Variants in SPAG16 observed in about 807,000 individuals in gnomAD.
SPAG16 encodes the protein sperm-associated antigen 16 protein.
SPAG16 carries 86 observed loss-of-function variants against 80.4 expected under a neutral mutation model. That is an observed-to-expected ratio of 1.07 (90% confidence interval 0.90 to 1.28). The LOEUF (loss-of-function observed/expected upper bound fraction) is 1.28. Ranked by LOEUF, SPAG16 falls within the 50% of genes most tolerant of loss-of-function variation. The probability of loss-of-function intolerance (pLI) is 0.00; values close to 1 mark genes in which losing one functional copy is unlikely to be tolerated. For synonymous variants in SPAG16, 294 were observed against 265.9 expected (o/e 1.11, Z -1.03); for missense variants, 870 against 765.3 (o/e 1.14, Z -1.61).
intron 10 of SPAG16, among the ~76,000 whole-genome samples, chr2:213,697,855 A>G (rs2065228421): frequency 6.6e-6 from 1 of 152,138 alleles, no homozygotes; most frequent in Non-Finnish European, 1.5e-5. Flanking sequence ...AAACCACAGA[A>G]TTTCCTACCT....
intron 10 of SPAG16, among the ~76,000 whole-genome samples, chr2:213,804,123 C>T (rs556731492): frequency 2.0e-5 from 3 of 152,012 alleles, no homozygotes; most frequent in Non-Finnish European, 4.4e-5. Context: ...TAGTGGGCCA[C>T]GTACTAGGGG....
intron 9 of SPAG16, among the ~76,000 whole-genome samples, chr2:213,419,064 G>A (rs2069436464): frequency 1.0e-5 from 1 of 95,416 alleles, no homozygotes; most frequent in Non-Finnish European, 3.0e-5. Flanking sequence ...GATGAGGACT[G>A]GGAATAAAAG....
chr2:213,345,940 G>T, intron 6 of SPAG16, among the ~76,000 whole-genome samples: 1 of 152,106 alleles, frequency 6.6e-6, no homozygotes. Flanking sequence ...AGCCTGATAG[G>T]GATGGCATTG....
chr2:213,677,568 C>G (rs923875943), intron 10 of SPAG16, among the ~76,000 whole-genome samples: 3 of 152,104 alleles, frequency 2.0e-5, no homozygotes, highest in Non-Finnish European at 4.4e-5. Flanking sequence ...GAAGAGCTAA[C>G]TATCCTAAAT....
chr2:214,184,200 T>G (rs913898373), intron 15 of SPAG16, among the ~76,000 whole-genome samples: 30 of 152,236 alleles, frequency 2.0e-4, no homozygotes, highest in African/African-American at 7.2e-4. Context: ...TTGTTTCTTT[T>G]GTTTGTCATT....
chr2:213,980,564 T>C (rs2045672326), intron 12 of SPAG16, among the ~76,000 whole-genome samples: 1 of 142,522 alleles, frequency 7.0e-6, no homozygotes, highest in Non-Finnish European at 1.5e-5. Context: ...TATATGTGTA[T>C]ATATAGAGAG....
At chr2:213,522,911 G>C (rs895395058) in intron 10 of SPAG16, among the ~76,000 whole-genome samples, 5 of 150,824 alleles carry the variant, frequency 3.3e-5, no homozygotes, top group African/African-American at 1.2e-4. Context: ...ATATATAAAT[G>C]TATGTATTTA....
At chr2:214,200,099 T>C (rs2057965310) in intron 15 of SPAG16, among the ~76,000 whole-genome samples, 1 of 152,156 alleles carries the variant, frequency 6.6e-6, no homozygotes, top group South Asian at 2.1e-4. Flanking sequence ...TATTTCTCTC[T>C]TCTCTTGTCT....
At chr2:213,814,952 T>C (rs1259788733) in intron 10 of SPAG16, among the ~76,000 whole-genome samples, 1 of 151,874 alleles carries the variant, frequency 6.6e-6, no homozygotes, top group African/African-American at 2.4e-5. Context: ...TCCATAAATA[T>C]ACAATTATAG....
intron 15 of SPAG16, among the ~76,000 whole-genome samples, chr2:214,191,196 C>A (rs1029678861): frequency 1.4e-4 from 21 of 151,988 alleles, no homozygotes; most frequent in Admixed American, 8.5e-4. Context: ...AAGCAGGGGT[C>A]CTTCACTGAG....
At chr2:213,888,848 C>T (rs2076668126) in intron 11 of SPAG16, among the ~76,000 whole-genome samples, 1 of 151,854 alleles carries the variant, frequency 6.6e-6, no homozygotes, top group Non-Finnish European at 1.5e-5. Flanking sequence ...CATTTCTTCC[C>T]TCACTCCTAC....
intron 8 of SPAG16, among the ~76,000 whole-genome samples, chr2:213,368,304 GT>G (rs1166358190): frequency 1.3e-5 from 2 of 152,170 alleles, no homozygotes; most frequent in Non-Finnish European, 2.9e-5. Flanking sequence ...CTTTAAAGTA[GT>G]TTTTTCCAGT....
chr2:213,479,094 CTTTTTTTTTTTTTT>C (rs148476714), intron 9 of SPAG16, among the ~76,000 whole-genome samples: 1 of 94,328 alleles, frequency 1.1e-5, no homozygotes, highest in African/African-American at 4.6e-5. Context: ...CACTGGCTTC[CTTTTTTTTTTTTTT>C]TTTTTTTTTT....
chr2:213,926,810 T>C (rs1166537567), intron 11 of SPAG16, among the ~76,000 whole-genome samples: 2 of 152,200 alleles, frequency 1.3e-5, no homozygotes, highest in East Asian at 3.8e-4. Flanking sequence ...TTATTTCCCA[T>C]TATGTGTTTG....
chr2:214,390,341 T>TTAA (rs1300923316), intron 15 of SPAG16, among the ~76,000 whole-genome samples: 7 of 125,464 alleles, frequency 5.6e-5, no homozygotes, highest in African/African-American at 1.9e-4. Context: ...CTTTTTTTTT[T>TTAA]AAAAAAAAAA....
intron 14 of SPAG16, among the ~76,000 whole-genome samples, chr2:214,147,172 C>A (rs1009872245): frequency 6.6e-6 from 1 of 152,038 alleles, no homozygotes; most frequent in Non-Finnish European, 1.5e-5. Context: ...CAGTACCTGG[C>A]TCATTAAAAG....
At position 214,258,461 on chromosome 2, in the gene SPAG16, A is replaced by ATGTGTGTGTG. The variant is rs1319528567; in HGVS notation, c.1720+109197_1720+109206dup. On this transcript the variant is annotated intron_variant, in intron 15 of 15. Transcript: ENST00000331683. The stretch of plus-strand genomic sequence containing the variant: ...GTAGTATCCCACAGTGTGTGTATGT[A>ATGTGTGTGTG]TGTGTGTGTGTATATATATATATAT... Among the ~76,000 whole-genome samples the ATGTGTGTGTG allele has an allele frequency of 1.2e-3, 131 of 109,214 alleles. 3 individuals carry two copies. Among genetic ancestry groups the ATGTGTGTGTG allele is most frequent in the Middle Eastern group, 8.5e-3 (2 of 236 alleles). The allele number at this position is 109,214 out of a possible 152,430, so 71.6% of individuals were successfully genotyped here.
chr2:213,551,920 G>A (rs998786611), intron 10 of SPAG16, among the ~76,000 whole-genome samples: 3 of 152,106 alleles, frequency 2.0e-5, no homozygotes, highest in African/African-American at 7.2e-5. Flanking sequence ...ACTATGCCCA[G>A]TAGCAATTCC....
intron 11 of SPAG16, among the ~76,000 whole-genome samples, chr2:213,895,937 T>A (rs2076975787): frequency 6.6e-6 from 1 of 150,842 alleles, no homozygotes; most frequent in Non-Finnish European, 1.5e-5. Flanking sequence ...TAAAAAAAAA[T>A]GAAAAGAAAA....
Sources: gnomAD v4.1 joint callset for allele counts (sites outside exome capture counted in the v4.1 genomes callset) on GRCh38, gnomAD v4.1.1 for gene constraint, MANE v1.5 for transcripts, NCBI Gene and HGNC (gene_info 2026-07-23, HGNC 2026-07-21) for gene names.